HEXA: variants seen among roughly 807,000 people sequenced by gnomAD.
HEXA encodes the protein hexosaminidase subunit alpha.
HEXA carries 54 observed loss-of-function variants against 73.3 expected under a neutral mutation model. That is an observed-to-expected ratio of 0.74 (90% CI 0.59 to 0.92). The LOEUF is 0.92. Ranked by LOEUF, HEXA falls within the 40% of genes least tolerant of loss-of-function variation. The pLI, the probability that HEXA is intolerant of heterozygous loss-of-function variation, is 0.00. For missense variants in HEXA, 649 were observed against 653.0 expected (o/e 0.99, Z 0.07); for synonymous variants, 230 against 246.9 (o/e 0.93, Z 0.64).
intron 1 of HEXA, among the ~76,000 whole-genome samples, chr15:72,365,158 C>T (rs189978529): frequency 5.3e-5 from 8 of 152,302 alleles, no homozygotes; most frequent in South Asian, 2.1e-4. Flanking sequence ...GGCGCGATCT[C>T]GGCTCACCGC....
rs2088733326 is a variant in HEXA, at chr15:72,353,717, G to T, written c.433C>A (p.Leu145Ile). Residue 145 changes from leucine (L) to isoleucine (I), a missense_variant, in exon 4 of 14, where the codon CTT becomes ATT. By Grantham distance (5) the Leu-to-Ile change is conservative. Transcript: ENST00000268097. ...ALRGLETFSQ[L>I]VWKSAEGTFF... Reference sequence around the variant, plus strand: ...GTGCCCTCAGCAGATTTCCAAACAAGCTGGCTAAAAGTCTCCAGACCTAGG... The same window carrying T: ...GTGCCCTCAGCAGATTTCCAAACAATCTGGCTAAAAGTCTCCAGACCTAGG... 1 of 1,613,002 alleles carries T rather than the reference G, an allele frequency of 6.2e-7. No homozygotes were observed. The highest frequency in any genetic ancestry group is 1.7e-5 in the Admixed American group (1 of 60,008).
intron 1 of HEXA, among the ~76,000 whole-genome samples, chr15:72,375,062 T>TTTTTGTTTTG (rs199673103): frequency 6.7e-6 from 1 of 148,190 alleles, no homozygotes; most frequent in Non-Finnish European, 1.5e-5. Context: ...ATTTACACTT[T>TTTTTGTTTTG]TTTTGTTTTG....
At chr15:72,366,311 A>ATT (rs200545840) in intron 1 of HEXA, among the ~76,000 whole-genome samples, 44 of 142,770 alleles carry the variant, frequency 3.1e-4, no homozygotes, top group African/African-American at 1.0e-3. Flanking sequence ...TATTCACTTA[A>ATT]TTTTTTTTTT....
intron 3 of HEXA, 168 bp from the exon 4 acceptor site, chr15:72,353,905 G>A (rs2088737152): frequency 3.0e-6 from 2 of 674,748 alleles, no homozygotes; most frequent in Non-Finnish European, 2.7e-6. Flanking sequence ...ATATTAGGAA[G>A]CCACTATCCA....
intron 5 of HEXA, 160 bp from the exon 6 acceptor site, chr15:72,351,394 C>A: frequency 1.5e-6 from 1 of 686,412 alleles, no homozygotes; most frequent in East Asian, 2.7e-5. Flanking sequence ...CAAACCTTCC[C>A]ATCAGGGAGG....
chr15:72,350,996 C>T, intron 6 of HEXA, 137 bp downstream of exon 6: 1 of 716,244 alleles, frequency 1.4e-6, no homozygotes, highest in Non-Finnish European at 2.5e-6. Context: ...AGTCTCCTGA[C>T]TCCAAATCCA....
Sources: allele counts gnomAD v4.1 joint callset (sites outside exome capture counted in the v4.1 genomes callset), GRCh38; gene constraint gnomAD v4.1.1; transcripts MANE v1.5; gene names NCBI Gene and HGNC (gene_info 2026-07-23, HGNC 2026-07-21).